Variants in ZNF813 observed in about 807,000 individuals in gnomAD.
The protein encoded by ZNF813 is zinc finger protein 813.
ZNF813 carries 3 observed loss-of-function variants against 7.2 expected under a neutral mutation model. That is an observed-to-expected ratio of 0.42 (90% CI 0.19 to 1.08). The LOEUF (loss-of-function observed/expected upper bound fraction) is 1.08. ZNF813 is among the 50% of genes least tolerant of loss of function. The pLI is 0.30. For synonymous variants in ZNF813, 227 were observed against 256.3 expected (o/e 0.89, Z 1.09); for missense variants, 714 against 753.3 (o/e 0.95, Z 0.61).
rs1056200202 is a variant in ZNF813 at position 53,486,658 on chromosome 19, C to T, written c.42C>T (p.Ala14=). The stretch of plus-strand genomic sequence containing the variant: ...GTCTATTGACATTCAGGGATGTGGC[C>T]ATAGAATTCTCTCAGGAGGAGTGGA... The part of the protein sequence containing the change: ...PQGLLTFRDV[A]IEFSQEEWKC... The change falls in exon 3 of 4, where the codon GCC becomes GCT. Residue 14 remains alanine, a synonymous_variant. Coordinates refer to ENST00000396403, the MANE Select transcript of ZNF813 (RefSeq NM_001004301.4). 1 of 1,613,912 alleles carries T rather than the reference C, an allele frequency of 6.2e-7. No homozygotes were observed. The highest frequency in any genetic ancestry group is 8.5e-7 in the Non-Finnish European group (1 of 1,179,942).
chr19:53,493,156 C>A lies in ZNF813; in HGVS notation c.*1070C>A. On this transcript the variant is annotated 3_prime_UTR_variant, in exon 4 of 4. Coordinates refer to ENST00000396403, the MANE Select transcript of ZNF813 (RefSeq NM_001004301.4). Reference sequence around the variant, plus strand: ...CTGTAATCCCAGCACTTTGGGAGGCCAAGGCGGGTAGATCACTTGAGGTCA... The same window carrying A: ...CTGTAATCCCAGCACTTTGGGAGGCAAAGGCGGGTAGATCACTTGAGGTCA... 4.4e-6 allele frequency: 1 copy of A among 228,928 alleles called. No individual in the cohort carries two copies. The highest frequency in any genetic ancestry group is 8.8e-6 in the Non-Finnish European group (1 of 113,930). The allele number at this position is 228,928 out of a possible 1,614,324, so 14.2% of individuals were successfully genotyped here. A position where few individuals can be genotyped will look rare whatever the true frequency, so the allele number is the denominator to read the frequency against.
At chr19:53,490,066 A>G (rs2086451619) in intron 3 of ZNF813, among the ~76,000 whole-genome samples, 1 of 152,130 alleles carries the variant, frequency 6.6e-6, no homozygotes, top group East Asian at 1.9e-4. Context: ...TGTGACGGTG[A>G]TATGTTTTTT....
intron 1 of ZNF813, among the ~76,000 whole-genome samples, chr19:53,473,962 G>C (rs1321559611): frequency 3.3e-5 from 5 of 152,118 alleles, no homozygotes; most frequent in Non-Finnish European, 7.3e-5. Context: ...CTTAACGTCT[G>C]GTTCATGTAT....
At chr19:53,483,721 G>A (rs551065699) in intron 1 of ZNF813, 29 bp from the exon 2 acceptor site, 27 of 1,590,236 alleles carry the variant, frequency 1.7e-5, no homozygotes, top group South Asian at 1.6e-4. Context: ...TTGATTCTGA[G>A]CAATAAACAA....
chr19:53,488,091 C>A, intron 3 of ZNF813: 10 of 335,208 alleles, frequency 3.0e-5, no homozygotes, highest in South Asian at 1.8e-4. Flanking sequence ...GTGGCACAAT[C>A]TTGGGTCACT....
rs1290659483 is a variant in ZNF813 at position 53,491,265 on chromosome 19, C to T, written c.1033C>T (p.His345Tyr). 3.7e-6 allele frequency: 6 copies of T among 1,614,038 alleles called. No homozygotes were observed. Among genetic ancestry groups the T allele is most frequent in the Non-Finnish European group, 5.1e-6 (6 of 1,180,018 alleles). Residue 345 changes from histidine to tyrosine, a missense_variant, in exon 4 of 4, where the codon CAT becomes TAT. Transcript: ENST00000396403. Reference protein sequence around the residue: ...TFSQTSSLTCHRRLHTGEKPF... With the variant: ...TFSQTSSLTCYRRLHTGEKPF... ...TAGTCAGACGTCATCCCTTACATGC[C>T]ATCGTAGACTTCATACTGGAGAGAA...
chr19:53,491,508 C>T lies in ZNF813; in HGVS notation c.1276C>T (p.Leu426Phe). The T allele has an allele frequency of 2.5e-6, 4 of 1,613,946 alleles. No individual in the cohort carries two copies. The highest frequency in any genetic ancestry group is 1.1e-5 in the South Asian group (1 of 91,054). ...CAAGGTTTTTAATAAAAAGGCAAAC[C>T]TTGCACGTCATCATAGACTTCATAG... ...CGKVFNKKANLARHHRLHSGE... is the reference protein window; with the variant it reads ...CGKVFNKKANFARHHRLHSGE... Residue 426 changes from leucine to phenylalanine, a missense_variant, in exon 4 of 4, where the codon CTT becomes TTT. By Grantham distance (22) the Leu-to-Phe change is conservative. Transcript: ENST00000396403.
At position 53,488,926 on chromosome 19, in the gene ZNF813, T is replaced by G. The variant is rs1376737195; in HGVS notation, c.143-1449T>G. Among the ~76,000 whole-genome samples, 3 of 152,184 alleles carry G rather than the reference T, an allele frequency of 2.0e-5. No homozygotes were observed. The East Asian group carries it at 5.8e-4, about 29-fold the overall frequency. ...TGCTTGCTAGTTTTATGAGTTACAA[T>G]ATTTTACTAACTAATTTTTATGATT... On this transcript the variant is annotated intron_variant, in intron 3 of 3. Transcript: ENST00000396403.
At chr19:53,485,587 T>TGTATGTCATGCTATATAC (rs571848662) in intron 2 of ZNF813, among the ~76,000 whole-genome samples, 17 of 139,698 alleles carry the variant, frequency 1.2e-4, no homozygotes, top group African/African-American at 4.1e-4. Context: ...TGTCATGACA[T>TGTATGTCATGCTATATAC]ATGTATGTCA....
At chr19:53,470,659 A>C (rs1018247629) in intron 1 of ZNF813, among the ~76,000 whole-genome samples, 1 of 137,412 alleles carries the variant, frequency 7.3e-6, no homozygotes, top group African/African-American at 2.8e-5. Flanking sequence ...GAAGGAGGAA[A>C]ACCAGCCGCT....
intron 1 of ZNF813, among the ~76,000 whole-genome samples, chr19:53,473,591 A>G (rs897889690): frequency 1.3e-5 from 2 of 152,164 alleles, no homozygotes; most frequent in East Asian, 1.9e-4. Flanking sequence ...AGATTACAAT[A>G]TAGGGCCCAT....
Position 53,492,468 on chromosome 19 carries a change from G to C in ZNF813, c.*382G>C. The stretch of plus-strand genomic sequence containing the variant: ...CTGCAGAGAAACCATAAAATTGTAA[G>C]AGTTCGTGACAAGGCTTTCGGGCAT... On this transcript the variant is annotated 3_prime_UTR_variant, in exon 4 of 4. Coordinates refer to ENST00000396403, the MANE Select transcript of ZNF813 (RefSeq NM_001004301.4). 1 of 420,184 alleles carries C rather than the reference G, an allele frequency of 2.4e-6. No individual in the cohort carries two copies. The highest frequency in any genetic ancestry group is 4.7e-6 in the Non-Finnish European group (1 of 214,332). 26.0% of individuals were successfully genotyped at this position (420,184 alleles called of 1,614,324 possible).
intron 1 of ZNF813, chr19:53,480,011 A>C (rs1226258086): frequency 2.6e-6 from 2 of 763,122 alleles, no homozygotes; most frequent in Non-Finnish European, 4.8e-6. Flanking sequence ...CTTGGAAGAT[A>C]AACTGAAATG....
rs2086464824 is a variant in ZNF813 at position 53,491,823 on chromosome 19, GT to G, written c.1596del (p.Phe532LeufsTer211). On this transcript the variant is annotated frameshift_variant, in exon 4 of 4. Transcript: ENST00000396403. LOFTEE classifies it low-confidence loss of function (END_TRUNC). ...KPYKCNECGK[V>X]FNRKTHLAHH... ...TTACAAGTGTAATGAATGTGGCAAG[GT>G]TTTTAATCGAAAAACACACCTTGCA... 1 of 1,613,406 alleles carries G rather than the reference GT, an allele frequency of 6.2e-7. No homozygotes were observed. Among genetic ancestry groups the G allele is most frequent in the South Asian group, 1.1e-5 (1 of 90,994 alleles).
intron 3 of ZNF813, chr19:53,488,125 A>G (rs2086442694): frequency 1.0e-5 from 4 of 387,314 alleles, no homozygotes; most frequent in Non-Finnish European, 2.1e-5. Flanking sequence ...CCCAGGTTCA[A>G]GTGATTCTCC....
chr19:53,471,840 C>T (rs1216886400), intron 1 of ZNF813, among the ~76,000 whole-genome samples: 2 of 143,724 alleles, frequency 1.4e-5, no homozygotes, highest in African/African-American at 5.2e-5. Context: ...CTAGGTGCAT[C>T]GGTTCGGGGG....
In ZNF813 at chr19:53,491,268, C is replaced by A. The variant is rs751852701; in HGVS notation, c.1036C>A (p.Arg346Ser). The A allele has an allele frequency of 1.2e-6, 2 of 1,614,106 alleles. No individual in the cohort carries two copies. Among genetic ancestry groups the A allele is most frequent in the South Asian group, 2.2e-5 (2 of 91,062 alleles). Residue 346 changes from arginine to serine, a missense_variant, in exon 4 of 4, where the codon CGT (arginine) becomes AGT (serine). Around this residue, in one of 3 missense-constraint regions of ZNF813, gnomAD observed 563 missense variants for 554.2 expected, o/e 1.02. Coordinates refer to ENST00000396403, the MANE Select transcript of ZNF813 (RefSeq NM_001004301.4). ...TCAGACGTCATCCCTTACATGCCAT[C>A]GTAGACTTCATACTGGAGAGAAACC... ...FSQTSSLTCHRRLHTGEKPFK... is the reference protein window; with the variant it reads ...FSQTSSLTCHSRLHTGEKPFK...
rs2147166340 is a variant in ZNF813, at chr19:53,495,804, AAT to A, written c.*3720_*3721del. On this transcript the variant is annotated 3_prime_UTR_variant, in exon 4 of 4. Coordinates refer to ENST00000396403, the MANE Select transcript of ZNF813 (RefSeq NM_001004301.4). ...CAAAACTTTGTCTCAAAAAAAAATAAATAAATAAAAAATAAAATATGTCAAGC... is the reference window on the plus strand; with the variant it reads ...CAAAACTTTGTCTCAAAAAAAAATAAAAATAAAAAATAAAATATGTCAAGC... 2 of 153,556 alleles carry A rather than the reference AAT, an allele frequency of 1.3e-5. No individual in the cohort carries two copies. Among genetic ancestry groups the A allele is most frequent in the African/African-American group, 4.8e-5 (2 of 41,574 alleles). The allele number at this position is 153,556 out of a possible 1,614,324, so 9.5% of individuals were successfully genotyped here.
Position 53,467,766 on chromosome 19 carries a change from G to C in ZNF813, c.-97G>C. The C allele has an allele frequency of 5.5e-6, 1 of 181,608 alleles. No individual in the cohort carries two copies. The highest frequency in any genetic ancestry group is 1.2e-5 in the Non-Finnish European group (1 of 82,488). The allele number at this position is 181,608 out of a possible 1,614,324, so 11.2% of individuals were successfully genotyped here. ...GCGAAAACCCGGAAGCGGATCGCGT[G>C]GAGTGACGGTCCCACGGCAGCGCGT... On this transcript the variant is annotated 5_prime_UTR_variant, in exon 1 of 4. Coordinates refer to ENST00000396403, the MANE Select transcript of ZNF813 (RefSeq NM_001004301.4).
Sources: gnomAD v4.1 joint callset for allele counts (sites outside exome capture counted in the v4.1 genomes callset) on GRCh38, gnomAD v4.1.1 for gene constraint, gnomAD v4.1.1 regional missense constraint, MANE v1.5 for transcripts, NCBI Gene and HGNC (gene_info 2026-07-23, HGNC 2026-07-21) for gene names.